CATSPER1: variants seen among roughly 807,000 people sequenced by gnomAD.
The protein encoded by CATSPER1 is cation channel sperm associated 1, also known as cation channel sperm-associated protein 1.
CATSPER1 carries 57 observed loss-of-function variants against 72.7 expected under a neutral mutation model. The observed-to-expected ratio is 0.78, with a 90% CI of 0.63 to 0.98. The LOEUF (loss-of-function observed/expected upper bound fraction) is 0.98, where lower values mean the gene tolerates loss of function less well. Ranked by LOEUF, CATSPER1 falls within the 50% of genes least tolerant of loss-of-function variation. The probability of loss-of-function intolerance (pLI) is 0.00; values close to 1 mark genes in which losing one functional copy is unlikely to be tolerated. For synonymous variants in CATSPER1, 363 were observed against 403.0 expected (o/e 0.90, Z 1.19); for missense variants, 910 against 1,033.9 (o/e 0.88, Z 1.64).
At chr11:66,017,251 C>T in intron 10 of CATSPER1, 77 bp from the exon 11 acceptor site, 5 of 1,033,432 alleles carry the variant, frequency 4.8e-6, no homozygotes, top group Non-Finnish European at 7.2e-6. Flanking sequence ...CCCAGAACCA[C>T]CCAGAGGCTC....
chr11:66,020,477 C>A lies in CATSPER1; in HGVS notation c.1991+87G>T. The A allele has an allele frequency of 6.2e-7, 1 of 1,601,748 alleles. No individual in the cohort carries two copies. The highest frequency in any genetic ancestry group is 8.6e-7 in the Non-Finnish European group (1 of 1,169,084). On this transcript the variant is annotated intron_variant, in intron 7 of 11. Transcript: ENST00000312106. This position sits in a 1 kb window ranked among gnomAD's most constrained non-coding sequence, Gnocchi z 4.5. ...TTCTTGTGGGTTCAGCGTGGCATGACCAGGGTGAGAGGGCTGGGGTAAGGG... is the reference window on the plus strand; with the variant it reads ...TTCTTGTGGGTTCAGCGTGGCATGAACAGGGTGAGAGGGCTGGGGTAAGGG...
chr11:66,026,134 G>T lies in CATSPER1; in HGVS notation c.246C>A (p.Ser82Arg). Reference protein sequence around the residue: ...SSHVHQSHHHSEARNHGRAHG... With the variant: ...SSHVHQSHHHREARNHGRAHG... The stretch of plus-strand genomic sequence containing the variant: ...GGGCTCTGCCGTGATTCCGTGCCTC[G>T]CTGTGGTGGTGAGATTGGTGGACAT... The change falls in exon 1 of 12, where the codon AGC becomes AGA. Residue 82 changes from serine to arginine, a missense_variant. Ser to Arg is a moderately radical substitution (Grantham distance 110). Coordinates refer to ENST00000312106, the MANE Select transcript of CATSPER1 (RefSeq NM_053054.4). 2 of 1,607,042 alleles carry T rather than the reference G, an allele frequency of 1.2e-6. No homozygotes were observed. Among genetic ancestry groups the T allele is most frequent in the Middle Eastern group, 1.7e-4 (1 of 6,040 alleles).
chr11:66,022,302 T>C (rs535332159), intron 2 of CATSPER1, among the ~76,000 whole-genome samples: 53 of 152,264 alleles, frequency 3.5e-4, no homozygotes, highest in African/African-American at 1.2e-3. Context: ...GCCACTGCAC[T>C]CCAGCCTGGG....
chr11:66,019,532 C>T (rs1856309959), intron 9 of CATSPER1, among the ~76,000 whole-genome samples: 1 of 152,072 alleles, frequency 6.6e-6, no homozygotes, highest in South Asian at 2.1e-4. Context: ...CCGTCTCAGC[C>T]TCCCAAAGTG....
Position 66,020,238 on chromosome 11 carries a change from G to T in CATSPER1, c.2065-38C>A. On this transcript the variant is annotated intron_variant, in intron 8 of 11. Transcript: ENST00000312106. The surrounding 1 kb of genome is among the most constrained non-coding windows in gnomAD (Gnocchi z 4.5). Reference sequence around the variant, plus strand: ...GGCCTCAGATCTGCCAGAGTCCCAGGCCTGCTCAACCCTGGAGGCCCCTGG... The same window carrying T: ...GGCCTCAGATCTGCCAGAGTCCCAGTCCTGCTCAACCCTGGAGGCCCCTGG... The T allele has an allele frequency of 6.2e-7, 1 of 1,614,004 alleles. No individual in the cohort carries two copies. The highest frequency in any genetic ancestry group is 1.1e-5 in the South Asian group (1 of 91,084).
Position 66,025,198 on chromosome 11 carries a change from CCA to C in CATSPER1, c.1180_1181del (p.Trp394GlyfsTer56). 6.2e-7 allele frequency: 1 copy of C among 1,614,130 alleles called. No homozygotes were observed. Among genetic ancestry groups the C allele is most frequent in the South Asian group, 1.1e-5 (1 of 91,062 alleles). On this transcript the variant is annotated frameshift_variant, in exon 1 of 12. Coordinates refer to ENST00000312106, the MANE Select transcript of CATSPER1 (RefSeq NM_053054.4). LOFTEE classifies it high-confidence loss of function. ...TCTGAAATTGCCCTTCTTCTTTGCC[CCA>C]GTCTTCTGAATGTTTGGTGGAGATA... ...QDISTKHSED[W>X]GKEEGQFQKR...
rs1156234971 is a variant in CATSPER1, at chr11:66,021,639, G to A, written c.1548C>T (p.Phe516=). The A allele has an allele frequency of 5.6e-6, 9 of 1,607,088 alleles. No homozygotes were observed. Among genetic ancestry groups the A allele is most frequent in the Non-Finnish European group, 7.6e-6 (9 of 1,176,500 alleles). ...CCAGCACGGCCATGGCCATAATGAA[G>A]AAGTCTGAGGGCACGGGGTGCCTGA... ...YFFDFWNNLD[F]FIMAMAVLDF... is the part of the protein sequence containing the mutation. The change falls in exon 4 of 12, where the codon TTC becomes TTT. Residue 516 remains phenylalanine, a synonymous_variant. Coordinates refer to ENST00000312106, the MANE Select transcript of CATSPER1 (RefSeq NM_053054.4).
chr11:66,024,924 A>ATTATTATCAATGTT (rs1261041583), intron 1 of CATSPER1, among the ~76,000 whole-genome samples: 6 of 152,238 alleles, frequency 3.9e-5, no homozygotes, highest in African/African-American at 1.4e-4. Context: ...TTTGACTGGT[A>ATTATTATCAATGTT]GACATATGAA....
At position 66,021,650 on chromosome 11, in the gene CATSPER1, G is replaced by C. The variant is rs1305015426; in HGVS notation, c.1544-7C>G. 1.2e-6 allele frequency: 2 copies of C among 1,606,400 alleles called. No homozygotes were observed. ...ATGGCCATAATGAAGAAGTCTGAGG[G>C]CACGGGGTGCCTGAGCCTGGCGGGC... On this transcript the variant is annotated splice_polypyrimidine_tract_variant and splice_region_variant and intron_variant, in intron 3 of 11. Transcript: ENST00000312106.
At position 66,026,028 on chromosome 11, in the gene CATSPER1, C is replaced by T. The variant is rs768488856; in HGVS notation, c.352G>A (p.Glu118Lys). 1.9e-6 allele frequency: 3 copies of T among 1,614,044 alleles called. No homozygotes were observed. The highest frequency in any genetic ancestry group is 1.7e-6 in the Non-Finnish European group (2 of 1,179,992). Residue 118 changes from glutamate to lysine, a missense_variant, in exon 1 of 12, where the codon GAG becomes AAG. Transcript: ENST00000312106. ...HRSYGEDYHDELQRDGRRHHD... is the reference protein window; with the variant it reads ...HRSYGEDYHDKLQRDGRRHHD... ...TGCCTCCTGCCATCACGTTGGAGCT[C>T]ATCATGGTAGTCCTCACCGTAGGAA... is the stretch of plus-strand genomic sequence containing the variant.
chr11:66,021,035 G>A (rs1220179379), intron 5 of CATSPER1, 59 bp downstream of exon 5: 18 of 1,569,898 alleles, frequency 1.1e-5, no homozygotes, highest in East Asian at 9.1e-5. Context: ...CCTGCTCCCC[G>A]CACCCCTTTC....
At chr11:66,018,389 C>A (rs1295741489) in intron 10 of CATSPER1, among the ~76,000 whole-genome samples, 1 of 152,068 alleles carries the variant, frequency 6.6e-6, no homozygotes, top group East Asian at 1.9e-4. Flanking sequence ...GGAGGTTGAG[C>A]ATCGGACCTC....
chr11:66,024,112 C>T (rs935236843), intron 1 of CATSPER1, among the ~76,000 whole-genome samples: 13 of 151,540 alleles, frequency 8.6e-5, no homozygotes, highest in Non-Finnish European at 1.8e-4. Context: ...TACAGGCACG[C>T]ACCACCACAC....
chr11:66,018,714 C>G (rs138438371), intron 10 of CATSPER1, 113 bp downstream of exon 10: 3 of 1,179,740 alleles, frequency 2.5e-6, no homozygotes, highest in East Asian at 2.4e-5. Context: ...CAAGCCTCAG[C>G]GCTCCATCCC....
At position 66,020,327 on chromosome 11, in the gene CATSPER1, G is replaced by A. The variant is rs754677282; in HGVS notation, c.2054C>T (p.Ala685Val). The A allele has an allele frequency of 6.8e-6, 11 of 1,614,014 alleles. No individual in the cohort carries two copies. In the Admixed American group the frequency reaches 1.0e-4, roughly 15 times the overall value. Reference sequence around the variant, plus strand: ...CACCCCACTCGGTACCTCCTGCTTCGCTTTCTCAAGGCCTTTGAACAGCGC... The same window carrying A: ...CACCCCACTCGGTACCTCCTGCTTCACTTTCTCAAGGCCTTTGAACAGCGC... Reference protein sequence around the residue: ...QTALFKGLEKAKQERAARIQE... With the variant: ...QTALFKGLEKVKQERAARIQE... Residue 685 changes from alanine to valine, a missense_variant, in exon 8 of 12, where the codon GCG becomes GTG. Transcript: ENST00000312106. This position sits in a 1 kb window ranked among gnomAD's most constrained non-coding sequence, Gnocchi z 4.5.
Position 66,021,697 on chromosome 11 carries a change from C to A in CATSPER1, c.1544-54G>T, listed in dbSNP as rs886845418. The A allele has an allele frequency of 2.5e-6, 4 of 1,611,530 alleles. No homozygotes were observed. In the African/African-American group the frequency reaches 5.3e-5, roughly 22 times the overall value. On this transcript the variant is annotated intron_variant, in intron 3 of 11. Coordinates refer to ENST00000312106, the MANE Select transcript of CATSPER1 (RefSeq NM_053054.4). Reference sequence around the variant, plus strand: ...GGGCTCCCAACGCCAGCGCCCCCTTCCCCATCCTTCTCTCGTCCCGAGCCT... The same window carrying A: ...GGGCTCCCAACGCCAGCGCCCCCTTACCCATCCTTCTCTCGTCCCGAGCCT...
In CATSPER1 at chr11:66,016,766, T is replaced by C; in HGVS notation, c.*124A>G. The C allele has an allele frequency of 8.8e-7, 1 of 1,130,954 alleles. No individual in the cohort carries two copies. The highest frequency in any genetic ancestry group is 1.3e-6 in the Non-Finnish European group (1 of 789,100). The allele number at this position is 1,130,954 out of a possible 1,614,324, so 70.1% of individuals were successfully genotyped here. A position where few individuals can be genotyped will look rare whatever the true frequency, so the allele number is the denominator to read the frequency against. On this transcript the variant is annotated 3_prime_UTR_variant, in exon 12 of 12. Transcript: ENST00000312106. ...ATGGAGCCTCCTGGGGTTTAAAAAC[T>C]CTGTTGGGGCCCCTGCTCTGCAGGG...
In CATSPER1 at chr11:66,020,080, T is replaced by C. The variant is rs777456336; in HGVS notation, c.2125+60A>G. 130 of 1,541,578 alleles carry C rather than the reference T, an allele frequency of 8.4e-5. No individual in the cohort carries two copies. Among genetic ancestry groups the C allele is most frequent in the Non-Finnish European group, 1.1e-4 (125 of 1,115,954 alleles). Reference sequence around the variant, plus strand: ...TGACTGTGGAAGGAGGTTAGGGGGATGGAGAGACTGGCCCCCACTGCGGAC... The same window carrying C: ...TGACTGTGGAAGGAGGTTAGGGGGACGGAGAGACTGGCCCCCACTGCGGAC... On this transcript the variant is annotated intron_variant, in intron 9 of 11. Coordinates refer to ENST00000312106, the MANE Select transcript of CATSPER1 (RefSeq NM_053054.4). The surrounding 1 kb of genome is among the most constrained non-coding windows in gnomAD (Gnocchi z 4.5).
rs201420941 is a variant in CATSPER1, at chr11:66,020,994, C to A, written c.1784-40G>T. ...CCAAACTCAGCTCTCCAGTGCTATCCCCACCCCAGCGCCCCTCGTCCTGCC... is the reference window on the plus strand; with the variant it reads ...CCAAACTCAGCTCTCCAGTGCTATCACCACCCCAGCGCCCCTCGTCCTGCC... On this transcript the variant is annotated intron_variant, in intron 5 of 11. Transcript: ENST00000312106. This position sits in a 1 kb window ranked among gnomAD's most constrained non-coding sequence, Gnocchi z 4.5. 6.2e-7 allele frequency: 1 copy of A among 1,613,050 alleles called. No homozygotes were observed. Among genetic ancestry groups the A allele is most frequent in the African/African-American group, 1.3e-5 (1 of 74,886 alleles).
Sources: allele counts gnomAD v4.1 joint callset (sites outside exome capture counted in the v4.1 genomes callset), GRCh38; gene constraint gnomAD v4.1.1; non-coding constraint Gnocchi (gnomAD v3.1); transcripts MANE v1.5; gene names NCBI Gene and HGNC (gene_info 2026-07-23, HGNC 2026-07-21).